Variants in WLS observed in about 807,000 individuals in gnomAD.
The protein encoded by WLS is protein wntless homolog.
WLS carries 23 observed loss-of-function variants against 62.8 expected under a neutral mutation model. The observed-to-expected ratio is 0.37, with a 90% confidence interval of 0.26 to 0.52. The LOEUF (loss-of-function observed/expected upper bound fraction) is 0.52. Among genes scored for constraint, WLS ranks in the 20% least tolerant of loss-of-function variants. WLS has a pLI of 0.92. For missense variants in WLS, 615 were observed against 697.3 expected, an observed-to-expected ratio of 0.88 and a Z score of 1.33; for synonymous variants, 246 against 244.1, an observed-to-expected ratio of 1.01 and a Z score of -0.07.
At chr1:68,113,174 C>A (rs1250218446) in intron 11 of WLS, among the ~76,000 whole-genome samples, 4 of 152,200 alleles carry the variant, frequency 2.6e-5, no homozygotes, top group African/African-American at 9.7e-5. Flanking sequence ...CCTGAGTCAT[C>A]CAACCTCGCA....
chr1:68,123,362 T>C (rs929221117), downstream of WLS, among the ~76,000 whole-genome samples: 2 of 152,108 alleles, frequency 1.3e-5, no homozygotes, highest in Admixed American at 1.3e-4. Context: ...AAACCCCACA[T>C]TTCTCTGATT....
At position 68,232,236 on chromosome 1, in the gene WLS, G is replaced by A; in HGVS notation, c.64C>T (p.Leu22Phe). The A allele has an allele frequency of 5.6e-6, 9 of 1,614,184 alleles. No homozygotes were observed. Among genetic ancestry groups the A allele is most frequent in the African/African-American group, 1.3e-5 (1 of 75,058 alleles). The change falls in exon 1 of 12, where the codon CTC becomes TTC. Residue 22 changes from leucine (L) to phenylalanine (F), a missense_variant. By Grantham distance (22) the Leu-to-Phe change is conservative (BLOSUM62 0). Coordinates refer to ENST00000262348, the MANE Select transcript of WLS (RefSeq NM_024911.7). The stretch of plus-strand genomic sequence containing the variant: ...AGAAAGGCGATGATTTGGAACACGA[G>A]CAGAATCCCACCAACAATGCACAGC... ...KKLCIVGGIL[L>F]VFQIIAFLVG...
intron 1 of WLS, among the ~76,000 whole-genome samples, chr1:68,201,634 G>A (rs564396291): frequency 3.3e-4 from 51 of 152,318 alleles, no homozygotes; most frequent in Middle Eastern, 6.8e-3. Context: ...GGTACGCTAA[G>A]TGAAATGAAA....
Position 68,126,304 on chromosome 1 carries a change from G to T in WLS, c.1548C>A (p.Leu516=). 1 of 1,614,122 alleles carries T rather than the reference G, an allele frequency of 6.2e-7. No homozygotes were observed. Among genetic ancestry groups the T allele is most frequent in the Non-Finnish European group, 8.5e-7 (1 of 1,180,020 alleles). Residue 516 remains leucine, a synonymous_variant, in exon 12 of 12, where the codon CTC becomes CTA. Coordinates refer to ENST00000262348, the MANE Select transcript of WLS (RefSeq NM_024911.7). ...GDLGVHSGEE[L]QLTTTITHVD... is the part of the protein sequence containing the mutation. ...CATGGGTGATAGTGGTGGTGAGCTG[G>T]AGTTCTTCCCCACTATGGACACCCA...
intron 5 of WLS, among the ~76,000 whole-genome samples, chr1:68,152,602 T>C (rs1002539860): frequency 1.3e-5 from 2 of 152,184 alleles, no homozygotes; most frequent in Non-Finnish European, 2.9e-5. Context: ...GGTGATCCCG[T>C]GAAAAGCAGT....
intron 2 of WLS, among the ~76,000 whole-genome samples, chr1:68,176,049 A>G (rs1018156582): frequency 3.9e-5 from 6 of 152,202 alleles, no homozygotes; most frequent in Non-Finnish European, 8.8e-5. Context: ...CTTCGTTCCC[A>G]TGAATGAGGA....
At chr1:68,121,866 A>T (rs1366503920), downstream of WLS, among the ~76,000 whole-genome samples, 2 of 152,182 alleles carry the variant, frequency 1.3e-5, no homozygotes, top group African/African-American at 4.8e-5. Flanking sequence ...GGCACTTTTT[A>T]GGGAGCTGTG....
downstream of WLS, among the ~76,000 whole-genome samples, chr1:68,120,668 A>G (rs1353969785): frequency 2.0e-5 from 3 of 151,978 alleles, no homozygotes; most frequent in Non-Finnish European, 4.4e-5. Context: ...GTTGCATATT[A>G]CAACACACAT....
At chr1:68,163,898 C>G (rs1647023243) in intron 2 of WLS, among the ~76,000 whole-genome samples, 2 of 152,150 alleles carry the variant, frequency 1.3e-5, no homozygotes, top group Non-Finnish European at 2.9e-5. Context: ...ACATACAAAT[C>G]ACAAGGGAAA....
At position 68,106,843 on chromosome 1, in the gene WLS, TTCCTCAGAGC is replaced by T. The variant is rs1472271677; in HGVS notation, c.1511-8100_1511-8091del. ...TTAATGTCCTGCAACACGAGATCAG[TTCCTCAGAGC>T]AAATATGGACCCCATTATAAAACAA... On this transcript the variant is annotated intron_variant, in intron 11 of 11. Coordinates refer to the WLS transcript ENST00000354777. Among the ~76,000 whole-genome samples the T allele has an allele frequency of 2.6e-5, 4 of 152,126 alleles. No individual in the cohort carries two copies. In the East Asian group the frequency reaches 7.7e-4, roughly 29 times the overall value.
chr1:68,110,771 T>TA, intron 11 of WLS, among the ~76,000 whole-genome samples: 1 of 151,690 alleles, frequency 6.6e-6, no homozygotes, highest in South Asian at 2.1e-4. Context: ...ATTTGCTCGA[T>TA]AAAGGATATT....
intron 2 of WLS, among the ~76,000 whole-genome samples, chr1:68,173,516 G>C (rs1345637292): frequency 6.6e-6 from 1 of 152,140 alleles, no homozygotes; most frequent in African/African-American, 2.4e-5. Context: ...CAGCTGCATT[G>C]TCATACAGTA....
chr1:68,102,605 C>T (rs1646093424), intron 11 of WLS: 1 of 152,122 alleles, frequency 6.6e-6, no homozygotes, highest in Non-Finnish European at 1.5e-5. Flanking sequence ...AATAAAGGTC[C>T]TATATTCATC....
rs111499962 is a variant in WLS, at chr1:68,116,288, A to G, written c.1511-17535T>C. On this transcript the variant is annotated intron_variant, in intron 11 of 11. Transcript: ENST00000354777. ...ATCAGCAGGGCCCGTGTAAGCATAC[A>G]CTTCTTATGGATGACTCCTCTGACA... Among the ~76,000 whole-genome samples, 64 of 152,296 alleles carry G rather than the reference A, an allele frequency of 4.2e-4. 1 individual carries two copies. The highest frequency in any genetic ancestry group is 1.5e-3 in the African/African-American group (63 of 41,550).
intron 1 of WLS, among the ~76,000 whole-genome samples, chr1:68,212,415 G>T (rs1367340347): frequency 6.6e-6 from 1 of 152,148 alleles, no homozygotes; most frequent in African/African-American, 2.4e-5. Context: ...AGAACAAAGG[G>T]TTTTAAAAGA....
At chr1:68,212,227 C>T (rs937561680) in intron 1 of WLS, among the ~76,000 whole-genome samples, 1 of 152,128 alleles carries the variant, frequency 6.6e-6, no homozygotes, top group Non-Finnish European at 1.5e-5. Flanking sequence ...CTCATCTCGA[C>T]AAAGGATGAT....
At chr1:68,150,449 G>A (rs1646811156) in intron 5 of WLS, 93 bp from the exon 6 acceptor site, 3 of 1,514,708 alleles carry the variant, frequency 2.0e-6, no homozygotes, top group African/African-American at 1.4e-5. Flanking sequence ...GACATGAGAT[G>A]TTACTTATTG....
At chr1:68,130,381 A>G (rs375303228) in intron 11 of WLS, among the ~76,000 whole-genome samples, 1 of 152,168 alleles carries the variant, frequency 6.6e-6, no homozygotes, top group South Asian at 2.1e-4. Flanking sequence ...CTCCCATACC[A>G]TGAGTTCATA....
At chr1:68,162,423 C>A (rs1646991088) in intron 2 of WLS, 8 of 1,613,702 alleles carry the variant, frequency 5.0e-6, no homozygotes, top group South Asian at 1.1e-5. Context: ...AGACCCTCTG[C>A]ACGCCCAGGG....
Sources: gnomAD v4.1 joint callset for allele counts (sites outside exome capture counted in the v4.1 genomes callset) on GRCh38, gnomAD v4.1.1 for gene constraint, MANE v1.5 for transcripts, NCBI Gene and HGNC (gene_info 2026-07-23, HGNC 2026-07-21) for gene names.